CST9L: variants seen among roughly 807,000 people sequenced by gnomAD.
CST9L encodes cystatin 9 like.
Under a neutral mutation model 13.2 loss-of-function variants are expected in CST9L, and 17 were observed. That is an observed-to-expected ratio of 1.29 (90% CI 0.88 to 1.93). CST9L has a LOEUF of 1.93. Among genes scored for constraint, CST9L ranks in the 30% most tolerant of loss-of-function variants. CST9L has a pLI of 0.00. For missense variants in CST9L, 170 were observed against 170.5 expected (o/e 1.00, Z 0.02); for synonymous variants, 78 against 69.1 (o/e 1.13, Z -0.64).
chr20:23,566,271 A>C (rs1037739160), intron 1 of CST9L, among the ~76,000 whole-genome samples, 184 bp from the exon 2 acceptor site: 5 of 152,230 alleles, frequency 3.3e-5, no homozygotes, highest in Non-Finnish European at 7.3e-5. Flanking sequence ...GCGGATGGGC[A>C]TGGTGGCCCC....
Position 23,568,411 on chromosome 20 carries a change from G to A in CST9L, c.40C>T (p.Leu14=). The A allele has an allele frequency of 6.2e-7, 1 of 1,614,156 alleles. No individual in the cohort carries two copies. Among genetic ancestry groups the A allele is most frequent in the Non-Finnish European group, 8.5e-7 (1 of 1,180,016 alleles). ...TGGGAGCCTAAGAGAAGCAGCAGCA[G>A]CGCCCAGGACAGACCTCCCTTCCAC... ...LPWKGGLSWA[L]LLLLLGSQIL... Residue 14 remains leucine (L), a synonymous_variant, in exon 1 of 3, where the codon CTG becomes TTG. Transcript: ENST00000376979.
Position 23,568,346 on chromosome 20 carries a change from C to T in CST9L, c.105G>A (p.Arg35=). ...CCATGACATTGTGTTCATCACAGTC[C>T]CTTTGCTCGTGGAAATGCCAGGCAT... ...LIYAWHFHEQ[R]DCDEHNVMAR... is the part of the protein sequence containing the mutation. The change falls in exon 1 of 3, where the codon AGG becomes AGA. Residue 35 remains arginine (R), a synonymous_variant. Transcript: ENST00000376979. 1 of 1,614,176 alleles carries T rather than the reference C, an allele frequency of 6.2e-7. No homozygotes were observed. The highest frequency in any genetic ancestry group is 8.5e-7 in the Non-Finnish European group (1 of 1,180,036).
In CST9L at chr20:23,565,992, T is replaced by C. The variant is rs755009202; in HGVS notation, c.336A>G (p.Glu112=). The part of the protein sequence containing the change: ...EDDIDNCHFQ[E]STELNNTFTC... ...GTCTTACATTGTTCAGCTCTGTGCT[T>C]TCTTGGAAATGGCAGTTGTCAATGT... The change falls in exon 2 of 3, where the codon GAA becomes GAG. Residue 112 remains glutamate, a synonymous_variant. Transcript: ENST00000376979. 1.9e-6 allele frequency: 3 copies of C among 1,593,226 alleles called. No homozygotes were observed. The highest frequency in any genetic ancestry group is 1.7e-4 in the Middle Eastern group (1 of 6,022).
At chr20:23,568,093 A>C (rs1989123211) in intron 1 of CST9L, 118 bp downstream of exon 1, 1 of 983,152 alleles carries the variant, frequency 1.0e-6, no homozygotes, top group South Asian at 1.6e-5. Flanking sequence ...TTTCTTAAGT[A>C]TGGACTACAA....
Position 23,568,322 on chromosome 20 carries a change from C to A in CST9L, c.129G>T (p.Met43Ile). Residue 43 changes from methionine (M) to isoleucine (I), a missense_variant, in exon 1 of 3, where the codon ATG (methionine) becomes ATT (isoleucine). By Grantham distance (10) the Met-to-Ile change is conservative (BLOSUM62 1). Coordinates refer to ENST00000376979, the MANE Select transcript of CST9L (RefSeq NM_080610.3). ...EQRDCDEHNV[M>I]ARYLPATVEF... ...CCACTGTGGCAGGGAGGTAACGAGCCATGACATTGTGTTCATCACAGTCCC... is the reference window on the plus strand; with the variant it reads ...CCACTGTGGCAGGGAGGTAACGAGCAATGACATTGTGTTCATCACAGTCCC... 6.2e-7 allele frequency: 1 copy of A among 1,614,214 alleles called. No homozygotes were observed. Among genetic ancestry groups the A allele is most frequent in the South Asian group, 1.1e-5 (1 of 91,088 alleles).
At chr20:23,565,619 G>A (rs1051840591) in intron 2 of CST9L, among the ~76,000 whole-genome samples, 1 of 152,116 alleles carries the variant, frequency 6.6e-6, no homozygotes, top group South Asian at 2.1e-4. Flanking sequence ...TCAGATCCCA[G>A]GTTCTTCCAG....
intron 1 of CST9L, among the ~76,000 whole-genome samples, chr20:23,566,516 A>G (rs1043603939): frequency 1.4e-5 from 2 of 141,694 alleles, no homozygotes; most frequent in South Asian, 2.1e-4. Context: ...TGACCTGAGG[A>G]AAAAAAAAAT....
chr20:23,567,439 C>T (rs754482155), intron 1 of CST9L, among the ~76,000 whole-genome samples: 9 of 141,392 alleles, frequency 6.4e-5, no homozygotes, highest in Non-Finnish European at 1.2e-4. Context: ...ACCTGGGAGG[C>T]GGATCTTGCA....
At chr20:23,568,097 A>G in intron 1 of CST9L, 114 bp downstream of exon 1, 2 of 1,034,502 alleles carry the variant, frequency 1.9e-6, no homozygotes, top group East Asian at 2.4e-5. Context: ...TTAAGTATGG[A>G]CTACAACTGG....
At position 23,568,202 on chromosome 20, in the gene CST9L, G is replaced by A; in HGVS notation, c.240+9C>T. On this transcript the variant is annotated intron_variant, in intron 1 of 2. Coordinates refer to ENST00000376979, the MANE Select transcript of CST9L (RefSeq NM_080610.3). The stretch of plus-strand genomic sequence containing the variant: ...AGATGCCAGGGCAGGAGGGTACGTG[G>A]TCACCAACCTGCTCCTTCCAGGAAT... The A allele has an allele frequency of 6.2e-7, 1 of 1,614,076 alleles. No homozygotes were observed. The highest frequency in any genetic ancestry group is 8.5e-7 in the Non-Finnish European group (1 of 1,179,980).
chr20:23,567,980 G>A (rs1466744284), intron 1 of CST9L, among the ~76,000 whole-genome samples: 1 of 152,068 alleles, frequency 6.6e-6, no homozygotes, highest in Non-Finnish European at 1.5e-5. Flanking sequence ...AAAAGATGGA[G>A]ATTAAACAAT....
At chr20:23,567,242 G>C (rs539739751) in intron 1 of CST9L, among the ~76,000 whole-genome samples, 2 of 152,144 alleles carry the variant, frequency 1.3e-5, no homozygotes, top group Non-Finnish European at 2.9e-5. Context: ...GGGTGCAGTG[G>C]CTCATGCCTG....
rs780099822 is a variant in CST9L, at chr20:23,565,036, G to A, written c.356C>T (p.Thr119Ile). Residue 119 changes from threonine to isoleucine, a missense_variant and splice_region_variant, in exon 3 of 3, where the codon ACT becomes ATT. Transcript: ENST00000376979. ...HFQESTELNNTFTCFFTISTR... is the reference protein window; with the variant it reads ...HFQESTELNNIFTCFFTISTR... ...GCTGATGGTGAAGAAGCAGGTGAAA[G>A]TCTGAGAGAACAAGCACAGGAAGGG... 5 of 1,612,742 alleles carry A rather than the reference G, an allele frequency of 3.1e-6. No homozygotes were observed. In the South Asian group the frequency reaches 4.4e-5, roughly 14 times the overall value.
At chr20:23,566,218 G>T in intron 1 of CST9L, 131 bp from the exon 2 acceptor site, 1 of 691,492 alleles carries the variant, frequency 1.4e-6, no homozygotes, top group Non-Finnish European at 2.7e-6. Flanking sequence ...CATGGGCCTG[G>T]CATCAGGAGA....
At chr20:23,565,543 T>C (rs1989080310) in intron 2 of CST9L, among the ~76,000 whole-genome samples, 2 of 152,144 alleles carry the variant, frequency 1.3e-5, no homozygotes, top group African/African-American at 4.8e-5. Context: ...TCTCAGCCTC[T>C]ACCACTTTTG....
Position 23,566,065 on chromosome 20 carries a change from G to A in CST9L, c.263C>T (p.Ser88Leu). ...KEQVESKTVFSMELLLGRTRC... is the reference protein window; with the variant it reads ...KEQVESKTVFLMELLLGRTRC... The stretch of plus-strand genomic sequence containing the variant: ...AGTTCTCCCCAGCAGTAGCTCCATT[G>A]AGAATACAGTCTTGGACTCCACCTA... The change falls in exon 2 of 3, where the codon TCA becomes TTA. Residue 88 changes from serine (S) to leucine (L), a missense_variant. Transcript: ENST00000376979. 1.2e-6 allele frequency: 2 copies of A among 1,604,074 alleles called. No homozygotes were observed. Among genetic ancestry groups the A allele is most frequent in the Non-Finnish European group, 1.7e-6 (2 of 1,170,738 alleles).
At position 23,568,374 on chromosome 20, in the gene CST9L, A is replaced by T; in HGVS notation, c.77T>A (p.Ile26Asn). 1 of 1,614,214 alleles carries T rather than the reference A, an allele frequency of 6.2e-7. No individual in the cohort carries two copies. The highest frequency in any genetic ancestry group is 8.5e-7 in the Non-Finnish European group (1 of 1,180,034). The change falls in exon 1 of 3, where the codon ATC (isoleucine) becomes AAC (asparagine). Residue 26 changes from isoleucine (I) to asparagine (N), a missense_variant. Ile to Asn is a moderately radical substitution (Grantham distance 149, BLOSUM62 -3). Transcript: ENST00000376979. ...TTGCTCGTGGAAATGCCAGGCATAG[A>T]TCAGCAGGATCTGGGAGCCTAAGAG... ...LLLLGSQILL[I>N]YAWHFHEQRD...
chr20:23,564,770 G>T lies in CST9L; in HGVS notation c.*178C>A. 1 of 606,846 alleles carries T rather than the reference G, an allele frequency of 1.6e-6. No individual in the cohort carries two copies. Among genetic ancestry groups the T allele is most frequent in the Non-Finnish European group, 3.0e-6 (1 of 335,988 alleles). The allele number at this position is 606,846 out of a possible 1,614,324, so 37.6% of individuals were successfully genotyped here. A position where few individuals can be genotyped will look rare whatever the true frequency, so the allele number is the denominator to read the frequency against. On this transcript the variant is annotated 3_prime_UTR_variant, in exon 3 of 3. Coordinates refer to ENST00000376979, the MANE Select transcript of CST9L (RefSeq NM_080610.3). Reference sequence around the variant, plus strand: ...TGATGTTTAATGATCTACACTACATGATTAGGCTCAAGATGTGTGGATTTT... The same window carrying T: ...TGATGTTTAATGATCTACACTACATTATTAGGCTCAAGATGTGTGGATTTT...
intron 2 of CST9L, among the ~76,000 whole-genome samples, chr20:23,565,692 CA>C (rs770182955): frequency 1.9e-4 from 29 of 152,288 alleles, no homozygotes; most frequent in South Asian, 6.2e-4. Context: ...ACTGGGACCC[CA>C]GGGGGAAAGA....
Sources: allele counts gnomAD v4.1 joint callset (sites outside exome capture counted in the v4.1 genomes callset), GRCh38; gene constraint gnomAD v4.1.1; transcripts MANE v1.5; gene names NCBI Gene and HGNC (gene_info 2026-07-23, HGNC 2026-07-21).